KREMEN1: variants seen among roughly 807,000 people sequenced by gnomAD.
KREMEN1 encodes the protein kremen protein 1.
Under a neutral mutation model 46.5 loss-of-function variants are expected in KREMEN1, and 30 were observed. That is an observed-to-expected ratio of 0.65 (90% confidence interval 0.48 to 0.88). The LOEUF (loss-of-function observed/expected upper bound fraction) is 0.88, where lower values mean the gene tolerates loss of function less well. Ranked by LOEUF, KREMEN1 falls within the 40% of genes least tolerant of loss-of-function variation. The pLI is 0.00. For synonymous variants in KREMEN1, 214 were observed against 230.6 expected, an observed-to-expected ratio of 0.93 and a Z score of 0.65; for missense variants, 533 against 596.9, an observed-to-expected ratio of 0.89 and a Z score of 1.11.
Position 29,141,944 on chromosome 22 carries a change from A to T in KREMEN1, c.1209A>T (p.Lys403Asn). 6.3e-7 allele frequency: 1 copy of T among 1,593,990 alleles called. No individual in the cohort carries two copies. The highest frequency in any genetic ancestry group is 8.5e-7 in the Non-Finnish European group (1 of 1,172,500). The stretch of plus-strand genomic sequence containing the variant: ...GAAAAAATATTTATCTGCTTGACAG[A>T]TCCCATCGTGTTCCTGCTTCAGGGG... Reference protein sequence around the residue: ...VAKILLHVTFKSHRVPASGDL... With the variant: ...VAKILLHVTFNSHRVPASGDL... Residue 403 changes from lysine to asparagine, a missense_variant and splice_region_variant, in exon 9 of 9, where the codon AAA (lysine) becomes AAT (asparagine). By Grantham distance (94) the Lys-to-Asn change is moderately conservative. Coordinates refer to ENST00000400335, the MANE Select transcript of KREMEN1 (RefSeq NM_001039570.3).
At chr22:29,162,972 C>T (rs2039024028) in intron 9 of KREMEN1, among the ~76,000 whole-genome samples, 1 of 152,154 alleles carries the variant, frequency 6.6e-6, no homozygotes. Context: ...ACAGATCCAG[C>T]TGGAGGCCAT....
At position 29,142,201 on chromosome 22, in the gene KREMEN1, C is replaced by T; in HGVS notation, c.*89C>T. The T allele has an allele frequency of 7.0e-7, 1 of 1,435,250 alleles. No homozygotes were observed. The highest frequency in any genetic ancestry group is 2.6e-5 in the East Asian group (1 of 38,410). The allele number at this position is 1,435,250 out of a possible 1,614,324, so 88.9% of individuals were successfully genotyped here. On this transcript the variant is annotated 3_prime_UTR_variant, in exon 9 of 9. Coordinates refer to ENST00000400335, the MANE Select transcript of KREMEN1 (RefSeq NM_001039570.3). Reference sequence around the variant, plus strand: ...TCCTGTGGTTCTTCTCTGACAGACTCTTCCCCTCCTCTCCCTCTGCCTCGG... The same window carrying T: ...TCCTGTGGTTCTTCTCTGACAGACTTTTCCCCTCCTCTCCCTCTGCCTCGG...
At chr22:29,129,798 C>T (rs1048324937) in intron 5 of KREMEN1, among the ~76,000 whole-genome samples, 3 of 152,182 alleles carry the variant, frequency 2.0e-5, no homozygotes, top group African/African-American at 7.2e-5. Context: ...GTCACAGACT[C>T]TCTGGCTGAT....
Position 29,143,011 on chromosome 22 carries a change from G to C in KREMEN1, c.*899G>C, listed in dbSNP as rs1026409134. 2.1e-6 allele frequency: 1 copy of C among 470,426 alleles called. No individual in the cohort carries two copies. Among genetic ancestry groups the C allele is most frequent in the Non-Finnish European group, 2.8e-6 (1 of 359,654 alleles). The allele number at this position is 470,426 out of a possible 1,614,324, so 29.1% of individuals were successfully genotyped here. A position where few individuals can be genotyped will look rare whatever the true frequency, so the allele number is the denominator to read the frequency against. On this transcript the variant is annotated 3_prime_UTR_variant, in exon 9 of 9. Coordinates refer to ENST00000400335, the MANE Select transcript of KREMEN1 (RefSeq NM_001039570.3). ...CTAAAAATATAAAAATTAGTCAGGCGTGGTGGCAGGCGCCTGTAATCCCAG... is the reference window on the plus strand; with the variant it reads ...CTAAAAATATAAAAATTAGTCAGGCCTGGTGGCAGGCGCCTGTAATCCCAG...
chr22:29,099,743 C>T (rs912824187), intron 3 of KREMEN1, among the ~76,000 whole-genome samples: 4 of 151,918 alleles, frequency 2.6e-5, no homozygotes, highest in Non-Finnish European at 4.4e-5. Context: ...AGAAATGGGG[C>T]TTCACCATGT....
At chr22:29,149,862 T>C (rs1369203147), downstream of KREMEN1, among the ~76,000 whole-genome samples, 1 of 152,092 alleles carries the variant, frequency 6.6e-6, no homozygotes, top group Non-Finnish European at 1.5e-5. Context: ...GCCCCATCCT[T>C]TGTCAGGCAG....
chr22:29,082,165 T>A (rs1569311371), intron 1 of KREMEN1, among the ~76,000 whole-genome samples: 1 of 152,148 alleles, frequency 6.6e-6, no homozygotes, highest in Non-Finnish European at 1.5e-5. Context: ...TTGAGCTGGG[T>A]GCCTCCTGCT....
chr22:29,113,914 T>G (rs1183115598), intron 3 of KREMEN1, among the ~76,000 whole-genome samples: 1 of 152,132 alleles, frequency 6.6e-6, no homozygotes, highest in African/African-American at 2.4e-5. Flanking sequence ...AGCAGCAAAT[T>G]AAGAAGAGGT....
chr22:29,115,076 C>T (rs908506214), intron 3 of KREMEN1, among the ~76,000 whole-genome samples: 2 of 152,180 alleles, frequency 1.3e-5, no homozygotes, highest in Non-Finnish European at 2.9e-5. Context: ...TTTCACTCTA[C>T]CTTATTCATT....
intron 3 of KREMEN1, among the ~76,000 whole-genome samples, chr22:29,118,141 G>A (rs1220102941): frequency 6.6e-6 from 1 of 152,200 alleles, no homozygotes. Context: ...TCTTTTTCTT[G>A]TGGGATGTTG....
In KREMEN1 at chr22:29,166,269, G is replaced by A. The variant is rs374639932; in HGVS notation, c.1417-775G>A. ...CAAATACTTATTGAGCACCTGCTAG[G>A]TGACTGGTATTCTGCTGGATGCAAA... On this transcript the variant is annotated intron_variant, in intron 9 of 9. Transcript: ENST00000327813. 3.3e-5 allele frequency among the ~76,000 whole-genome samples: 5 copies of A among 151,388 alleles called. 1 individual carries two copies. The highest frequency in any genetic ancestry group is 1.9e-4 in the East Asian group (1 of 5,164).
intron 1 of KREMEN1, among the ~76,000 whole-genome samples, chr22:29,080,106 TG>T (rs2037630981): frequency 6.6e-6 from 1 of 152,184 alleles, no homozygotes; most frequent in African/African-American, 2.4e-5. Context: ...ATAAACAGGA[TG>T]GGGACTGTCC....
At chr22:29,117,149 C>CTG (rs147766740) in intron 3 of KREMEN1, among the ~76,000 whole-genome samples, 38 of 150,858 alleles carry the variant, frequency 2.5e-4, no homozygotes, top group Admixed American at 1.5e-3. Flanking sequence ...GTGTGTGTGT[C>CTG]TGTGTGTGTG....
At chr22:29,117,958 G>A (rs530871319) in intron 3 of KREMEN1, among the ~76,000 whole-genome samples, 1 of 152,298 alleles carries the variant, frequency 6.6e-6, no homozygotes, top group African/African-American at 2.4e-5. Context: ...TGCGGGTCAG[G>A]AAATGTGGGG....
intron 3 of KREMEN1, among the ~76,000 whole-genome samples, chr22:29,100,944 A>G (rs1273780861): frequency 1.3e-5 from 2 of 152,204 alleles, no homozygotes; most frequent in East Asian, 3.9e-4. Flanking sequence ...TATAATAGAA[A>G]AAACCTTATA....
chr22:29,105,466 C>A (rs1327927635), intron 3 of KREMEN1, among the ~76,000 whole-genome samples: 2 of 131,928 alleles, frequency 1.5e-5, no homozygotes, highest in African/African-American at 6.2e-5. Flanking sequence ...CGTGTGCGCA[C>A]ACACACACAC....
chr22:29,085,619 TCC>T (rs2037716702), intron 1 of KREMEN1, among the ~76,000 whole-genome samples: 2 of 152,164 alleles, frequency 1.3e-5, no homozygotes, highest in African/African-American at 4.8e-5. Context: ...GCCTTAGATT[TCC>T]CCTTTTTTTC....
Position 29,110,062 on chromosome 22 carries a change from T to C in KREMEN1, c.352+11109T>C, listed in dbSNP as rs148164876. Among the ~76,000 whole-genome samples, 5 of 152,342 alleles carry C rather than the reference T, an allele frequency of 3.3e-5. No homozygotes were observed. In the East Asian group the frequency reaches 7.7e-4, roughly 23 times the overall value. On this transcript the variant is annotated intron_variant, in intron 3 of 8. Transcript: ENST00000400335. ...AATGTGTACTAGTTGTTTATTGCTG[T>C]GTAATGAGCCATCCCCAGCCGCAGT... is the stretch of plus-strand genomic sequence containing the variant.
rs186674840 is a variant in KREMEN1 at position 29,082,006 on chromosome 22, T to C, written c.97+8779T>C. Among the ~76,000 whole-genome samples the C allele has an allele frequency of 5.9e-5, 9 of 152,258 alleles. 1 individual carries two copies. In the East Asian group the frequency reaches 1.7e-3, roughly 29 times the overall value. ...GAGTATTGGCTGCCCTCCAGGACTC[T>C]ATTATTGGGGAATTTTCTTGCCATC... On this transcript the variant is annotated intron_variant, in intron 1 of 8. Coordinates refer to ENST00000400335, the MANE Select transcript of KREMEN1 (RefSeq NM_001039570.3).
Sources: allele counts gnomAD v4.1 joint callset (sites outside exome capture counted in the v4.1 genomes callset), GRCh38; gene constraint gnomAD v4.1.1; transcripts MANE v1.5; gene names NCBI Gene and HGNC (gene_info 2026-07-23, HGNC 2026-07-21).